PIP4K2A: variants seen among roughly 807,000 people sequenced by gnomAD.
PIP4K2A encodes phosphatidylinositol 5-phosphate 4-kinase type-2 alpha.
Under a neutral mutation model 42.9 loss-of-function variants are expected in PIP4K2A, and 14 were observed. The ratio of observed to expected loss-of-function variants is 0.33; its 90% CI spans 0.22 to 0.51. PIP4K2A has a LOEUF of 0.51. Ranked by LOEUF, PIP4K2A falls within the 20% of genes least tolerant of loss-of-function variation. PIP4K2A has a pLI of 0.97. For synonymous variants in PIP4K2A, 192 were observed against 192.2 expected, an observed-to-expected ratio of 1.00 and a Z score of 0.01; for missense variants, 434 against 519.8, an observed-to-expected ratio of 0.83 and a Z score of 1.61.
chr10:22,588,080 C>G (rs965730334), intron 4 of PIP4K2A, among the ~76,000 whole-genome samples: 1 of 152,164 alleles, frequency 6.6e-6, no homozygotes, highest in African/African-American at 2.4e-5. Context: ...TTTTAAAAAC[C>G]TCTTCTATGT....
intron 7 of PIP4K2A, among the ~76,000 whole-genome samples, chr10:22,548,195 A>T (rs1836302629): frequency 6.6e-6 from 1 of 152,244 alleles, no homozygotes; most frequent in African/African-American, 2.4e-5. Context: ...TAAATTTCAA[A>T]ACTAAAGACA....
intron 1 of PIP4K2A, among the ~76,000 whole-genome samples, chr10:22,623,926 T>C (rs185644392): frequency 4.6e-4 from 70 of 152,278 alleles, no homozygotes; most frequent in African/African-American, 1.6e-3. Context: ...ATGAAAAGAA[T>C]AGTTCACAAC....
chr10:22,575,570 C>A (rs770328270), intron 4 of PIP4K2A, among the ~76,000 whole-genome samples: 1 of 152,166 alleles, frequency 6.6e-6, no homozygotes, highest in South Asian at 2.1e-4. Context: ...GGAAAAAACA[C>A]CCATACAGAT....
intron 3 of PIP4K2A, among the ~76,000 whole-genome samples, chr10:22,607,005 T>C (rs1465834378): frequency 1.3e-5 from 2 of 151,586 alleles, no homozygotes; most frequent in Admixed American, 6.5e-5. Flanking sequence ...ATTGTGTACA[T>C]GAAACAAAGG....
In PIP4K2A at chr10:22,571,292, G is replaced by A. The variant is rs140802051; in HGVS notation, c.639+2019C>T. Among the ~76,000 whole-genome samples the A allele has an allele frequency of 1.6e-3, 250 of 152,290 alleles. 2 individuals carry two copies. Among genetic ancestry groups the A allele is most frequent in the African/African-American group, 5.6e-3 (234 of 41,568 alleles). On this transcript the variant is annotated intron_variant, in intron 5 of 9. Coordinates refer to ENST00000376573, the MANE Select transcript of PIP4K2A (RefSeq NM_005028.5). ...GCTGCTAGGCTCCCCTGTATGCTGG[G>A]GTGCTTGCTACATGTGGTCATTTCA...
chr10:22,571,335 G>A (rs921008857), intron 5 of PIP4K2A, among the ~76,000 whole-genome samples: 2 of 152,130 alleles, frequency 1.3e-5, no homozygotes, highest in South Asian at 2.1e-4. Context: ...CAACTGACAG[G>A]GCTTGTGGCC....
intron 1 of PIP4K2A, among the ~76,000 whole-genome samples, chr10:22,689,054 T>C (rs1195850847): frequency 3.9e-5 from 6 of 152,196 alleles, no homozygotes; most frequent in Non-Finnish European, 8.8e-5. Context: ...TTCTTCTTCC[T>C]TAGCAGATTT....
chr10:22,586,182 T>G (rs2130814316), intron 4 of PIP4K2A, among the ~76,000 whole-genome samples: 1 of 152,312 alleles, frequency 6.6e-6, no homozygotes, highest in African/African-American at 2.4e-5. Context: ...GAAAATCAAA[T>G]GAAGTAAACA....
chr10:22,678,550 G>C (rs1028162089), intron 1 of PIP4K2A, among the ~76,000 whole-genome samples: 1 of 152,158 alleles, frequency 6.6e-6, no homozygotes, highest in Non-Finnish European at 1.5e-5. Context: ...GCTGTTGAAA[G>C]AGCAACAGAA....
At chr10:22,670,941 G>A (rs192144873) in intron 1 of PIP4K2A, among the ~76,000 whole-genome samples, 101 of 152,194 alleles carry the variant, frequency 6.6e-4, no homozygotes, top group African/African-American at 2.3e-3. Flanking sequence ...GGAATAAATT[G>A]GCTCAGAGAA....
At chr10:22,563,841 CA>C (rs753149555) in intron 6 of PIP4K2A, among the ~76,000 whole-genome samples, 4 of 152,180 alleles carry the variant, frequency 2.6e-5, no homozygotes, top group Non-Finnish European at 1.5e-5. Context: ...GATTACATGA[CA>C]TAATTCATGT....
At chr10:22,706,093 C>G (rs977236655) in intron 1 of PIP4K2A, among the ~76,000 whole-genome samples, 3 of 152,026 alleles carry the variant, frequency 2.0e-5, no homozygotes, top group Admixed American at 1.3e-4. Context: ...GGGAAAACTG[C>G]CCCCATGATT....
chr10:22,655,641 G>A (rs183004605), intron 1 of PIP4K2A, among the ~76,000 whole-genome samples: 34 of 152,296 alleles, frequency 2.2e-4, no homozygotes, highest in African/African-American at 8.2e-4. Flanking sequence ...GCAGCTCAGC[G>A]TTTCTCATTT....
chr10:22,692,885 G>T (rs941437456), intron 1 of PIP4K2A, among the ~76,000 whole-genome samples: 1 of 152,120 alleles, frequency 6.6e-6, no homozygotes, highest in African/African-American at 2.4e-5. Context: ...CACCAAGCTG[G>T]ACTGGAAAAT....
At chr10:22,617,097 C>T (rs184958243) in intron 1 of PIP4K2A, among the ~76,000 whole-genome samples, 220 of 152,328 alleles carry the variant, frequency 1.4e-3, no homozygotes, top group African/African-American at 5.1e-3. Flanking sequence ...GATTCCTCTC[C>T]TGAGCAAGGC....
chr10:22,643,623 T>C (rs1838824189), intron 1 of PIP4K2A, among the ~76,000 whole-genome samples: 1 of 152,176 alleles, frequency 6.6e-6, no homozygotes, highest in Admixed American at 6.5e-5. Flanking sequence ...CCAAGAGTCA[T>C]AATTTCTCAT....
At chr10:22,575,869 C>T (rs372242161) in intron 4 of PIP4K2A, among the ~76,000 whole-genome samples, 11 of 151,352 alleles carry the variant, frequency 7.3e-5, no homozygotes, top group East Asian at 5.8e-4. Flanking sequence ...ACCCAGGAGG[C>T]GGAGGTTTCA....
At chr10:22,601,570 C>G in intron 3 of PIP4K2A, among the ~76,000 whole-genome samples, 1 of 152,208 alleles carries the variant, frequency 6.6e-6, no homozygotes, top group African/African-American at 2.4e-5. Context: ...GCAAACCCAA[C>G]AGGCAACTAC....
intron 4 of PIP4K2A, among the ~76,000 whole-genome samples, chr10:22,583,109 G>A (rs1487336436): frequency 6.6e-6 from 1 of 152,164 alleles, no homozygotes; most frequent in African/African-American, 2.4e-5. Flanking sequence ...TTCAATTTGT[G>A]ACACACCATA....
Sources: gnomAD v4.1 joint callset for allele counts (sites outside exome capture counted in the v4.1 genomes callset) on GRCh38, gnomAD v4.1.1 for gene constraint, MANE v1.5 for transcripts, NCBI Gene and HGNC (gene_info 2026-07-23, HGNC 2026-07-21) for gene names.